Variants in PHKA1 observed in about 807,000 individuals in gnomAD.
PHKA1 encodes phosphorylase kinase regulatory subunit alpha 1.
In PHKA1, 60 loss-of-function variants were observed where a neutral mutation model predicts 110.2. The ratio of observed to expected loss-of-function variants is 0.54; its 90% CI spans 0.44 to 0.68. PHKA1 has a LOEUF of 0.68. Ranked by LOEUF, PHKA1 falls within the 30% of genes least tolerant of loss-of-function variation. PHKA1 has a pLI of 0.00. For missense variants in PHKA1, 801 were observed against 942.5 expected, an observed-to-expected ratio of 0.85 and a Z score of 1.97; for synonymous variants, 316 against 333.6, an observed-to-expected ratio of 0.95 and a Z score of 0.58.
At chrX:72,680,817 C>T (rs1169909910) in intron 5 of PHKA1, among the ~76,000 whole-genome samples, 2 of 83,041 alleles carry the variant, frequency 2.4e-5, no homozygotes, top group Admixed American at 2.6e-4. Flanking sequence ...TTTGCCGCCG[C>T]GCCGGCGAGC....
chrX:72,611,305 G>A, intron 21 of PHKA1, 121 bp from the exon 22 acceptor site: 1 of 549,694 alleles, frequency 1.8e-6, no homozygotes, highest in Non-Finnish European at 3.1e-6. Flanking sequence ...GGAAATCAAT[G>A]TAATTTACTA....
At position 72,657,696 on chromosome X, in the gene PHKA1, T is replaced by C. The variant is rs989089153; in HGVS notation, c.865-55A>G. ...CTTGTACACTGGTACGGCCATGTAA[T>C]TAATCAGAAATACATCCTTGCAACA... On this transcript the variant is annotated intron_variant, in intron 8 of 31. Transcript: ENST00000373542. 4.1e-6 allele frequency: 4 copies of C among 974,748 alleles called. No individual in the cohort carries two copies. The African/African-American group carries it at 7.6e-5, about 19-fold the overall frequency. The allele number at this position is 974,748 out of a possible 1,213,427, so 80.3% of individuals were successfully genotyped here.
intron 29 of PHKA1, among the ~76,000 whole-genome samples, chrX:72,592,837 C>T (rs1556227466): frequency 3.6e-5 from 4 of 112,436 alleles, no homozygotes; most frequent in African/African-American, 1.3e-4. Flanking sequence ...CAATGTCCAA[C>T]TATGGCCAGA....
chrX:72,649,166 C>T lies in PHKA1; in HGVS notation c.1324+1224G>A, dbSNP rs145567730. On this transcript the variant is annotated intron_variant, in intron 13 of 31. Coordinates refer to ENST00000373542, the MANE Select transcript of PHKA1 (RefSeq NM_002637.4). ...TATATACATTGATAAGCAAGAACTACCTGTATGACCACATGGGATGCCAAG... is the reference window on the plus strand; with the variant it reads ...TATATACATTGATAAGCAAGAACTATCTGTATGACCACATGGGATGCCAAG... Among the ~76,000 whole-genome samples the T allele has an allele frequency of 8.3e-3, 927 of 111,978 alleles. 15 individuals carry two copies. Among genetic ancestry groups the T allele is most frequent in the African/African-American group, 0.029 (882 of 30,844 alleles).
chrX:72,686,207 A>G (rs1358892430), intron 4 of PHKA1, among the ~76,000 whole-genome samples: 2 of 111,951 alleles, frequency 1.8e-5, no homozygotes, highest in Non-Finnish European at 3.8e-5. Context: ...TTCGTAAGTC[A>G]GCACTTAGTA....
At chrX:72,609,519 G>T in intron 23 of PHKA1, 105 bp downstream of exon 23, 1 of 591,372 alleles carries the variant, frequency 1.7e-6, no homozygotes, top group Non-Finnish European at 3.0e-6. Context: ...TGATAGAGGT[G>T]AACATATGTA....
chrX:72,603,155 T>C lies in PHKA1; in HGVS notation c.2881A>G (p.Ile961Val). ...ACTCCAAACTCCTTGCCGCTGAGAATGTGATGCAGGAGATTCTTCATGGCC... is the reference window on the plus strand; with the variant it reads ...ACTCCAAACTCCTTGCCGCTGAGAACGTGATGCAGGAGATTCTTCATGGCC... Reference protein sequence around the residue: ...PSAMKNLLHHILSGKEFGVER... With the variant: ...PSAMKNLLHHVLSGKEFGVER... The change falls in exon 26 of 32, where the codon ATT (isoleucine) becomes GTT (valine). Residue 961 changes from isoleucine (I) to valine (V), a missense_variant. Coordinates refer to ENST00000373542, the MANE Select transcript of PHKA1 (RefSeq NM_002637.4). 5 of 1,207,738 alleles carry C rather than the reference T, an allele frequency of 4.1e-6. No homozygotes were observed. The highest frequency in any genetic ancestry group is 5.6e-6 in the Non-Finnish European group (5 of 891,892).
chrX:72,642,988 C>A (rs1777489964), intron 14 of PHKA1, among the ~76,000 whole-genome samples: 1 of 111,089 alleles, frequency 9.0e-6, no homozygotes, highest in South Asian at 3.8e-4. Context: ...AAGCCAGAAG[C>A]CATGTTAATA....
chrX:72,622,432 T>C (rs2052992809), intron 18 of PHKA1: 1 of 753,594 alleles, frequency 1.3e-6, no homozygotes, highest in Non-Finnish European at 1.6e-6. Context: ...TTCTTTCTTA[T>C]TGGCCCTTCT....
chrX:72,598,229 A>G (rs1372294802), intron 28 of PHKA1, among the ~76,000 whole-genome samples: 1 of 111,988 alleles, frequency 8.9e-6, no homozygotes, highest in African/African-American at 3.2e-5. Context: ...AAAGAAGATA[A>G]ACAAATGGCC....
At chrX:72,639,682 C>T (rs1359478076) in intron 14 of PHKA1, among the ~76,000 whole-genome samples, 1 of 112,204 alleles carries the variant, frequency 8.9e-6, no homozygotes, top group Non-Finnish European at 1.9e-5. Flanking sequence ...GTCCACATCT[C>T]CACATATTCA....
chrX:72,650,103 A>G (rs1297873226), intron 13 of PHKA1, among the ~76,000 whole-genome samples: 1 of 111,595 alleles, frequency 9.0e-6, no homozygotes, highest in African/African-American at 3.3e-5. Context: ...GATAACCAGG[A>G]GGCTAAAATG....
intron 13 of PHKA1, among the ~76,000 whole-genome samples, chrX:72,644,825 G>A (rs181215694): frequency 1.8e-5 from 2 of 111,005 alleles, no homozygotes; most frequent in Non-Finnish European, 3.8e-5. Context: ...GTATAGCTTT[G>A]GTAAAAACTG....
intron 8 of PHKA1, among the ~76,000 whole-genome samples, chrX:72,661,843 A>G (rs2053564418): frequency 9.0e-6 from 1 of 110,853 alleles, no homozygotes; most frequent in Non-Finnish European, 1.9e-5. Context: ...ACAACTAATA[A>G]ACAACTAAAA....
At chrX:72,658,320 G>T (rs782612398) in intron 8 of PHKA1, among the ~76,000 whole-genome samples, 1 of 110,105 alleles carries the variant, frequency 9.1e-6, no homozygotes, top group Non-Finnish European at 1.9e-5. Context: ...TTAGCCAGGC[G>T]TGGTGGCACG....
At chrX:72,643,267 A>ACG (rs2053320020) in intron 14 of PHKA1, among the ~76,000 whole-genome samples, 1 of 111,016 alleles carries the variant, frequency 9.0e-6, no homozygotes. Context: ...ACACACACAC[A>ACG]CGCGCGCACA....
intron 2 of PHKA1, among the ~76,000 whole-genome samples, chrX:72,707,666 TGG>T (rs1556333069): frequency 1.9e-5 from 2 of 106,963 alleles, no homozygotes; most frequent in Non-Finnish European, 3.9e-5. Context: ...TGTGTGTGTG[TGG>T]AGGGGTGGGT....
Position 72,620,928 on chromosome X carries a change from A to C in PHKA1, c.1961-27T>G, listed in dbSNP as rs782596622. 3.3e-6 allele frequency: 4 copies of C among 1,199,433 alleles called. No individual in the cohort carries two copies. In the Admixed American group the frequency reaches 8.8e-5, roughly 26 times the overall value. On this transcript the variant is annotated intron_variant, in intron 18 of 31. Coordinates refer to ENST00000373542, the MANE Select transcript of PHKA1 (RefSeq NM_002637.4). Reference sequence around the variant, plus strand: ...TGCAAGGTTAGTGGGGGGAGGGGGAAGAGAAAAGAATGAAAATATTTTAGT... The same window carrying C: ...TGCAAGGTTAGTGGGGGGAGGGGGACGAGAAAAGAATGAAAATATTTTAGT...
chrX:72,593,508 A>C, intron 28 of PHKA1: 1 of 333,300 alleles, frequency 3.0e-6, no homozygotes, highest in Non-Finnish European at 5.3e-6. Flanking sequence ...TGCTCGGCTA[A>C]CTTTTTGTAT....
Sources: allele counts gnomAD v4.1 joint callset (sites outside exome capture counted in the v4.1 genomes callset), GRCh38; gene constraint gnomAD v4.1.1; transcripts MANE v1.5; gene names NCBI Gene and HGNC (gene_info 2026-07-23, HGNC 2026-07-21).